The following MPDZ variants were observed in gnomAD, a reference collection of about 807,000 sequenced individuals.
MPDZ encodes multiple PDZ domain protein.
In MPDZ, 234 loss-of-function variants were observed where a neutral mutation model predicts 239.1. That is an observed-to-expected ratio of 0.98 (90% CI 0.88 to 1.09). MPDZ has a LOEUF of 1.09. Ranked by LOEUF, MPDZ falls within the 50% of genes least tolerant of loss-of-function variation. The pLI is 0.00. For missense variants in MPDZ, 3,175 were observed against 2,510.0 expected, an observed-to-expected ratio of 1.26 and a Z score of -5.66; for synonymous variants, 1,048 against 881.3, an observed-to-expected ratio of 1.19 and a Z score of -3.35.
At position 13,142,145 on chromosome 9, in the gene MPDZ, T is replaced by C. The variant is rs140657914; in HGVS notation, c.3840+1321A>G. ...TTTTAAAAGGTAAAACAAAAGCTAA[T>C]TTAAACTTCTCATAATTTTAACAAA... On this transcript the variant is annotated intron_variant, in intron 27 of 46. Transcript: ENST00000319217. Among the ~76,000 whole-genome samples the C allele has an allele frequency of 5.9e-4, 90 of 152,268 alleles. 1 individual carries two copies. Among genetic ancestry groups the C allele is most frequent in the African/African-American group, 2.1e-3 (87 of 41,576 alleles).
Position 13,203,429 on chromosome 9 carries a change from C to T in MPDZ, c.1546+1607G>A, listed in dbSNP as rs138946797. 8.5e-5 allele frequency among the ~76,000 whole-genome samples: 13 copies of T among 152,222 alleles called. No individual in the cohort carries two copies. In the East Asian group the frequency reaches 2.5e-3, roughly 30 times the overall value. On this transcript the variant is annotated intron_variant, in intron 12 of 46. Coordinates refer to ENST00000319217, the MANE Select transcript of MPDZ (RefSeq NM_001378778.1). ...AGTCTGCAATTCATATTCAACCAACCTTTAGCAGAACAACTCTCCATTCTC... is the reference window on the plus strand; with the variant it reads ...AGTCTGCAATTCATATTCAACCAACTTTTAGCAGAACAACTCTCCATTCTC...
At chr9:13,154,018 A>G (rs746038627) in intron 24 of MPDZ, among the ~76,000 whole-genome samples, 1 of 152,144 alleles carries the variant, frequency 6.6e-6, no homozygotes, top group South Asian at 2.1e-4. Context: ...CATCATACCT[A>G]TAAGGTAGAC....
intron 1 of MPDZ, among the ~76,000 whole-genome samples, chr9:13,264,532 G>A (rs1199459843): frequency 6.6e-6 from 1 of 152,032 alleles, no homozygotes; most frequent in Non-Finnish European, 1.5e-5. Context: ...ACCCTGGACT[G>A]CTGGACTAAC....
At chr9:13,130,907 G>A (rs1469507157) in intron 32 of MPDZ, among the ~76,000 whole-genome samples, 1 of 152,138 alleles carries the variant, frequency 6.6e-6, no homozygotes, top group Non-Finnish European at 1.5e-5. Context: ...AACAGGTAAT[G>A]GATGGGAAAT....
At chr9:13,151,182 C>A (rs1166102185) in intron 24 of MPDZ, among the ~76,000 whole-genome samples, 1 of 151,814 alleles carries the variant, frequency 6.6e-6, no homozygotes, top group East Asian at 1.9e-4. Flanking sequence ...GAATGCAGAG[C>A]GTGTGAAACC....
At chr9:13,261,769 T>A (rs769549393) in intron 1 of MPDZ, among the ~76,000 whole-genome samples, 2 of 151,052 alleles carry the variant, frequency 1.3e-5, no homozygotes, top group African/African-American at 4.9e-5. Flanking sequence ...TGGTGGCTCA[T>A]ACCTGTAAGC....
chr9:13,149,726 A>C (rs1948901872), intron 25 of MPDZ, among the ~76,000 whole-genome samples: 1 of 152,024 alleles, frequency 6.6e-6, no homozygotes, highest in East Asian at 1.9e-4. Flanking sequence ...GACTTATGAG[A>C]GGAGAGTCTA....
intron 9 of MPDZ, 129 bp downstream of exon 9, chr9:13,217,051 A>G: frequency 2.5e-6 from 2 of 807,006 alleles, no homozygotes; most frequent in Non-Finnish European, 3.9e-6. Flanking sequence ...ACACTAAATT[A>G]TTCCTAAGGA....
chr9:13,273,409 A>G (rs1973466214), intron 1 of MPDZ, among the ~76,000 whole-genome samples: 1 of 152,348 alleles, frequency 6.6e-6, no homozygotes, highest in Non-Finnish European at 1.5e-5. Flanking sequence ...ACCATTTTCT[A>G]TGACAGTTCC....
At position 13,126,662 on chromosome 9, in the gene MPDZ, A is replaced by G; in HGVS notation, c.4557+18T>C. On this transcript the variant is annotated intron_variant, in intron 33 of 46. Transcript: ENST00000319217. ...CCCTCCCCAACTACTTAATGACAGC[A>G]AGAAAGGTAAACCTCACCGTGGCTG... is the stretch of plus-strand genomic sequence containing the variant. The G allele has an allele frequency of 1.2e-6, 2 of 1,612,994 alleles. No individual in the cohort carries two copies. The highest frequency in any genetic ancestry group is 1.7e-6 in the Non-Finnish European group (2 of 1,179,032).
Position 13,219,510 on chromosome 9 carries a change from C to T in MPDZ, c.1086+49G>A, listed in dbSNP as rs762372113. ...TCTAAGTAAACATCACTGTCGTCATCTAAGTGTTATTTCTCTGACTTTCAC... is the reference window on the plus strand; with the variant it reads ...TCTAAGTAAACATCACTGTCGTCATTTAAGTGTTATTTCTCTGACTTTCAC... On this transcript the variant is annotated intron_variant, in intron 8 of 46. Coordinates refer to ENST00000319217, the MANE Select transcript of MPDZ (RefSeq NM_001378778.1). 2.6e-6 allele frequency: 4 copies of T among 1,517,692 alleles called. No homozygotes were observed. In the Admixed American group the frequency reaches 7.1e-5, roughly 27 times the overall value. 94.0% of individuals were successfully genotyped at this position (1,517,692 alleles called of 1,614,324 possible). A position where few individuals can be genotyped will look rare whatever the true frequency, so the allele number is the denominator to read the frequency against.
intron 2 of MPDZ, among the ~76,000 whole-genome samples, chr9:13,248,796 C>T (rs2137869890): frequency 6.7e-6 from 1 of 150,094 alleles, no homozygotes. Context: ...GGTAAAACCT[C>T]ATCTCTACTA....
rs1196886842 is a variant in MPDZ at position 13,106,233 on chromosome 9, T to A, written c.*732A>T. On this transcript the variant is annotated 3_prime_UTR_variant, in exon 47 of 47. Transcript: ENST00000319217. Reference sequence around the variant, plus strand: ...ACATGGGGTGGCATCATCATTTACTTATAGCAACATGAAAATATTTTACAA... The same window carrying A: ...ACATGGGGTGGCATCATCATTTACTAATAGCAACATGAAAATATTTTACAA... 6.6e-6 allele frequency: 1 copy of A among 152,138 alleles called. No individual in the cohort carries two copies. The highest frequency in any genetic ancestry group is 2.4e-5 in the African/African-American group (1 of 41,452). 9.4% of individuals were successfully genotyped at this position (152,138 alleles called of 1,614,324 possible).
rs553776736 is a variant in MPDZ, at chr9:13,170,837, G to C, written c.3056-2273C>G. On this transcript the variant is annotated intron_variant, in intron 21 of 46. Coordinates refer to ENST00000319217, the MANE Select transcript of MPDZ (RefSeq NM_001378778.1). ...CAAGAGGTCAACATCAGTTAGCTGAGCTTATACTTTCCTTTCACCAAATGA... is the reference window on the plus strand; with the variant it reads ...CAAGAGGTCAACATCAGTTAGCTGACCTTATACTTTCCTTTCACCAAATGA... Among the ~76,000 whole-genome samples the C allele has an allele frequency of 3.3e-5, 5 of 152,284 alleles. No individual in the cohort carries two copies. The South Asian group carries it at 1.0e-3, about 32-fold the overall frequency.
At chr9:13,241,058 C>T (rs1312834423) in intron 3 of MPDZ, among the ~76,000 whole-genome samples, 4 of 152,034 alleles carry the variant, frequency 2.6e-5, no homozygotes, top group African/African-American at 9.7e-5. Flanking sequence ...TTCTTGCCCA[C>T]GGTAAAACAA....
intron 46 of MPDZ, 144 bp downstream of exon 46, chr9:13,108,792 C>T: frequency 1.5e-6 from 1 of 685,534 alleles, no homozygotes; most frequent in South Asian, 6.4e-5. Context: ...ATTTAATGAC[C>T]TGTTCCTGTA....
Position 13,119,638 on chromosome 9 carries a change from C to G in MPDZ, c.5243G>C (p.Gly1748Ala). 1.9e-6 allele frequency: 3 copies of G among 1,613,930 alleles called. No homozygotes were observed. The highest frequency in any genetic ancestry group is 2.5e-6 in the Non-Finnish European group (3 of 1,179,854). ...TTTGACAATGTCTGACACAAATACT[C>G]CAGTATCGTTTCTACACACAATTTT... is the stretch of plus-strand genomic sequence containing the variant. ...LSIVGKRNDT[G>A]VFVSDIVKGG... Residue 1748 changes from glycine (G) to alanine (A), a missense_variant, in exon 39 of 47, where the codon GGA (glycine) becomes GCA (alanine). Coordinates refer to ENST00000319217, the MANE Select transcript of MPDZ (RefSeq NM_001378778.1).
In MPDZ at chr9:13,143,507, T is replaced by A; in HGVS notation, c.3799A>T (p.Thr1267Ser). Residue 1267 changes from threonine (T) to serine (S), a missense_variant, in exon 27 of 47, where the codon ACT becomes TCT. Transcript: ENST00000319217. Reference protein sequence around the residue: ...NLYPKYNFSSTNPFADSLQIN... With the variant: ...NLYPKYNFSSSNPFADSLQIN... The stretch of plus-strand genomic sequence containing the variant: ...TGTAGAGAGTCAGCAAATGGGTTAG[T>A]GCTGCTGAAGTTGTACTTAGGGTAA... 6.2e-7 allele frequency: 1 copy of A among 1,613,118 alleles called. No homozygotes were observed. Among genetic ancestry groups the A allele is most frequent in the Non-Finnish European group, 8.5e-7 (1 of 1,179,240 alleles).
chr9:13,190,716 T>C (rs1954795876), intron 15 of MPDZ, among the ~76,000 whole-genome samples: 1 of 152,166 alleles, frequency 6.6e-6, no homozygotes, highest in African/African-American at 2.4e-5. Context: ...TTCTATACTC[T>C]ATACAAATAA....
Sources: allele counts gnomAD v4.1 joint callset (sites outside exome capture counted in the v4.1 genomes callset), GRCh38; gene constraint gnomAD v4.1.1; transcripts MANE v1.5; gene names NCBI Gene and HGNC (gene_info 2026-07-23, HGNC 2026-07-21).